The following SLC24A3 variants were observed in gnomAD, a reference collection of about 807,000 sequenced individuals.
The protein encoded by SLC24A3 is solute carrier family 24 member 3.
SLC24A3 carries 28 observed loss-of-function variants against 75.8 expected under a neutral mutation model. The observed-to-expected ratio is 0.37, with a 90% CI of 0.27 to 0.51. SLC24A3 has a LOEUF of 0.51. Among genes scored for constraint, SLC24A3 ranks in the 20% least tolerant of loss-of-function variants. SLC24A3 has a pLI of 0.94. For synonymous variants in SLC24A3, 372 were observed against 334.1 expected (o/e 1.11, Z -1.24); for missense variants, 663 against 847.8 (o/e 0.78, Z 2.71).
At chr20:19,262,330 G>C (rs924712676) in intron 1 of SLC24A3, among the ~76,000 whole-genome samples, 18 of 150,090 alleles carry the variant, frequency 1.2e-4, no homozygotes, top group Admixed American at 1.3e-4. Context: ...GCGTGAACCC[G>C]GGAGGCGGAG....
intron 6 of SLC24A3, among the ~76,000 whole-genome samples, chr20:19,603,218 TG>T (rs1263090732): frequency 2.0e-5 from 3 of 152,168 alleles, no homozygotes; most frequent in Admixed American, 6.5e-5. Flanking sequence ...TCCCTGGTCC[TG>T]GCTTAACTTT....
In SLC24A3 at chr20:19,454,381, C is replaced by T. The variant is rs187273238; in HGVS notation, c.272-61107C>T. Among the ~76,000 whole-genome samples the T allele has an allele frequency of 4.6e-5, 7 of 152,258 alleles. No individual in the cohort carries two copies. The East Asian group carries it at 1.2e-3, about 25-fold the overall frequency. On this transcript the variant is annotated intron_variant, in intron 2 of 16. Transcript: ENST00000328041. ...GGTTTTTCAGGCTAATAGTTCAGGA[C>T]AATGAAATAGATATTTGGTCTTGAT...
intron 2 of SLC24A3, among the ~76,000 whole-genome samples, chr20:19,296,037 T>C (rs1984052010): frequency 6.6e-6 from 1 of 152,150 alleles, no homozygotes; most frequent in Non-Finnish European, 1.5e-5. Context: ...ATTTCAGAAC[T>C]TGTTATTGGT....
chr20:19,563,678 T>C (rs2030913775), intron 3 of SLC24A3, among the ~76,000 whole-genome samples: 1 of 152,222 alleles, frequency 6.6e-6, no homozygotes, highest in Non-Finnish European at 1.5e-5. Context: ...GGCCAGCAGT[T>C]CCACTGTTTG....
intron 2 of SLC24A3, among the ~76,000 whole-genome samples, chr20:19,381,384 A>G (rs1218962398): frequency 6.6e-6 from 1 of 152,226 alleles, no homozygotes; most frequent in Non-Finnish European, 1.5e-5. Flanking sequence ...AAAGCAGGAT[A>G]AAGAGATGGA....
chr20:19,227,427 C>T (rs1400237661), intron 1 of SLC24A3, among the ~76,000 whole-genome samples: 1 of 151,568 alleles, frequency 6.6e-6, no homozygotes, highest in Non-Finnish European at 1.5e-5. Context: ...ATTCTCATGA[C>T]ATCTGGCCCA....
chr20:19,696,060 G>A (rs1304539359), intron 13 of SLC24A3, among the ~76,000 whole-genome samples: 3 of 118,792 alleles, frequency 2.5e-5, no homozygotes, highest in African/African-American at 3.3e-5. Context: ...CTGTGTTGCC[G>A]AGGCTGGAGT....
intron 6 of SLC24A3, among the ~76,000 whole-genome samples, chr20:19,602,985 T>TTAAC (rs1282702984): frequency 6.6e-6 from 1 of 152,210 alleles, no homozygotes; most frequent in Admixed American, 6.5e-5. Flanking sequence ...GCCTGGCATG[T>TTAAC]TCACGGTGCA....
intron 2 of SLC24A3, among the ~76,000 whole-genome samples, chr20:19,302,344 A>G (rs1984215705): frequency 6.6e-6 from 1 of 152,236 alleles, no homozygotes; most frequent in Non-Finnish European, 1.5e-5. Context: ...TTAATGAACA[A>G]TTGATTGAAT....
intron 1 of SLC24A3, among the ~76,000 whole-genome samples, chr20:19,246,799 A>G (rs1982500351): frequency 1.3e-5 from 2 of 151,946 alleles, no homozygotes; most frequent in African/African-American, 2.4e-5. Flanking sequence ...CTCTATCTCT[A>G]TCTCTATCTC....
At chr20:19,684,016 G>A (rs1568697032) in intron 10 of SLC24A3, among the ~76,000 whole-genome samples, 160 bp from the exon 11 acceptor site, 1 of 152,068 alleles carries the variant, frequency 6.6e-6, no homozygotes, top group Non-Finnish European at 1.5e-5. Flanking sequence ...AAGGAAGGAA[G>A]AAATAAGGAA....
intron 1 of SLC24A3, chr20:19,266,141 TG>T (rs1983158572): frequency 6.6e-6 from 1 of 152,054 alleles, no homozygotes; most frequent in African/African-American, 2.4e-5. Flanking sequence ...GTGCAAGTAC[TG>T]GGGCCAATAA....
At chr20:19,344,225 T>C (rs1424112633) in intron 2 of SLC24A3, among the ~76,000 whole-genome samples, 3 of 152,214 alleles carry the variant, frequency 2.0e-5, no homozygotes, top group East Asian at 1.9e-4. Context: ...CTTCTTACTT[T>C]CCTTGATTTT....
At chr20:19,303,128 C>T (rs1274429532) in intron 2 of SLC24A3, among the ~76,000 whole-genome samples, 1 of 151,810 alleles carries the variant, frequency 6.6e-6, no homozygotes, top group Non-Finnish European at 1.5e-5. Flanking sequence ...AGCATAGTAC[C>T]CAATAGGTAG....
chr20:19,313,958 A>G (rs755008140), intron 2 of SLC24A3, among the ~76,000 whole-genome samples: 6 of 152,224 alleles, frequency 3.9e-5, no homozygotes, highest in Admixed American at 6.5e-5. Context: ...TGCCAGATAC[A>G]TGAGTTGAAC....
intron 6 of SLC24A3, among the ~76,000 whole-genome samples, chr20:19,601,728 C>G (rs975726599): frequency 1.3e-5 from 2 of 152,224 alleles, no homozygotes; most frequent in Admixed American, 1.3e-4. Flanking sequence ...CAAGTCTCAT[C>G]TCTCCAGTCC....
intron 6 of SLC24A3, among the ~76,000 whole-genome samples, chr20:19,640,674 C>A (rs1274448926): frequency 2.6e-5 from 4 of 152,004 alleles, no homozygotes; most frequent in Admixed American, 6.5e-5. Flanking sequence ...CACTTCAACC[C>A]GGGAGGCGAA....
intron 11 of SLC24A3, among the ~76,000 whole-genome samples, chr20:19,684,717 C>G (rs2032653970): frequency 6.6e-6 from 1 of 152,124 alleles, no homozygotes; most frequent in Admixed American, 6.5e-5. Context: ...CTGTGCATTC[C>G]TTTTCTGGAA....
At chr20:19,509,956 C>G (rs760074963) in intron 2 of SLC24A3, among the ~76,000 whole-genome samples, 41 of 152,328 alleles carry the variant, frequency 2.7e-4, no homozygotes, top group Admixed American at 4.6e-4. Context: ...CCAGGCTGAC[C>G]CCTTCCTTAG....
Sources: gnomAD v4.1 joint callset for allele counts (sites outside exome capture counted in the v4.1 genomes callset) on GRCh38, gnomAD v4.1.1 for gene constraint, MANE v1.5 for transcripts, NCBI Gene and HGNC (gene_info 2026-07-23, HGNC 2026-07-21) for gene names.